The following PALM2AKAP2 variants were observed in gnomAD, a reference collection of about 807,000 sequenced individuals.
PALM2AKAP2 encodes the protein PALM2 and AKAP2 fusion.
A neutral mutation model predicts 71.5 loss-of-function variants in PALM2AKAP2; 37 were observed. The observed-to-expected ratio is 0.52, with a 90% confidence interval of 0.40 to 0.68. PALM2AKAP2 has a LOEUF of 0.68. Ranked by LOEUF, PALM2AKAP2 falls within the 30% of genes least tolerant of loss-of-function variation. The pLI, the probability that PALM2AKAP2 is intolerant of heterozygous loss-of-function variation, is 0.00. For synonymous variants in PALM2AKAP2, 468 were observed against 478.8 expected, an observed-to-expected ratio of 0.98 and a Z score of 0.29; for missense variants, 1,224 against 1,191.8, an observed-to-expected ratio of 1.03 and a Z score of -0.40.
At chr9:110,053,014 A>G (rs1833742392) in intron 1 of PALM2AKAP2, among the ~76,000 whole-genome samples, 2 of 152,246 alleles carry the variant, frequency 1.3e-5, no homozygotes, top group Non-Finnish European at 2.9e-5. Context: ...ACAATAAAAC[A>G]GAATATACTT....
At chr9:109,672,627 G>C (rs62581694) in intron 1 of PALM2AKAP2, among the ~76,000 whole-genome samples, 21,308 of 152,002 alleles carry the variant, frequency 0.14, 1,795 homozygotes, top group Middle Eastern at 0.29. Flanking sequence ...CATAGAAAGA[G>C]TTAGGGAGAA....
rs1043301994 is a variant in PALM2AKAP2 at position 109,925,054 on chromosome 9, C to T, written c.373-7C>T. On this transcript the variant is annotated splice_polypyrimidine_tract_variant and splice_region_variant and intron_variant, in intron 4 of 9. Coordinates refer to the PALM2AKAP2 transcript ENST00000302798. ...AGTAACGCTCTGCCTTGTTTTTGTT[C>T]CTACAGGGTTTCTCCAGTACGGATG... 8 of 1,613,974 alleles carry T rather than the reference C, an allele frequency of 5.0e-6. No individual in the cohort carries two copies. Among genetic ancestry groups the T allele is most frequent in the Non-Finnish European group, 6.8e-6 (8 of 1,180,012 alleles).
chr9:109,913,476 G>A (rs928362658), intron 3 of PALM2AKAP2, among the ~76,000 whole-genome samples: 1 of 152,186 alleles, frequency 6.6e-6, no homozygotes, highest in African/African-American at 2.4e-5. Context: ...GGGAGTAGAA[G>A]GGGGGCAAAG....
chr9:109,650,021 C>A (rs1033769335), intron 1 of PALM2AKAP2, among the ~76,000 whole-genome samples: 3 of 152,266 alleles, frequency 2.0e-5, no homozygotes, highest in Non-Finnish European at 2.9e-5. Context: ...TTGCTCTTTT[C>A]CTTCTATTTT....
intron 1 of PALM2AKAP2, among the ~76,000 whole-genome samples, chr9:110,108,962 A>G (rs1835177108): frequency 6.6e-6 from 1 of 152,122 alleles, no homozygotes; most frequent in Non-Finnish European, 1.5e-5. Flanking sequence ...ACTTTTCAAT[A>G]CTATTGAATA....
At chr9:109,786,714 G>A (rs1462843774) in intron 1 of PALM2AKAP2, among the ~76,000 whole-genome samples, 3 of 152,058 alleles carry the variant, frequency 2.0e-5, no homozygotes, top group East Asian at 3.9e-4. Context: ...GTACCTCTGA[G>A]TATTTCAGTC....
At chr9:110,136,713 C>T (rs912577574) in exon 2 of PALM2AKAP2, 3 of 1,614,192 alleles carry the variant, frequency 1.9e-6, no homozygotes, top group Non-Finnish European at 2.5e-6. Flanking sequence ...ACAACCAGCT[C>T]ACGGTGTTCT....
At chr9:110,006,324 C>CTCTTTCTT (rs201648047) in intron 6 of PALM2AKAP2, among the ~76,000 whole-genome samples, 27,441 of 101,892 alleles carry the variant, frequency 0.27, 4,224 homozygotes, top group Non-Finnish European at 0.29. Flanking sequence ...TTCCTTCCTT[C>CTCTTTCTT]TCTTTCTTTC....
intron 6 of PALM2AKAP2, among the ~76,000 whole-genome samples, chr9:109,991,510 A>G (rs564010323): frequency 9.9e-5 from 15 of 152,100 alleles, no homozygotes; most frequent in Non-Finnish European, 1.9e-4. Context: ...AGGTGTAAGG[A>G]TTACAGGCGT....
intron 3 of PALM2AKAP2, among the ~76,000 whole-genome samples, chr9:109,905,566 C>T (rs1587998400): frequency 6.6e-6 from 1 of 152,374 alleles, no homozygotes; most frequent in African/African-American, 2.4e-5. Flanking sequence ...CAGGATGCAG[C>T]GTTAGATGCT....
At chr9:109,997,652 C>T (rs1445023454) in intron 6 of PALM2AKAP2, among the ~76,000 whole-genome samples, 2 of 152,228 alleles carry the variant, frequency 1.3e-5, no homozygotes, top group Non-Finnish European at 1.5e-5. Flanking sequence ...GATGGACCTT[C>T]CTGTTTCTCA....
At chr9:110,040,684 G>T (rs1050815254) in intron 7 of PALM2AKAP2, among the ~76,000 whole-genome samples, 1 of 152,044 alleles carries the variant, frequency 6.6e-6, no homozygotes, top group Admixed American at 6.5e-5. Flanking sequence ...CAAAAACTAA[G>T]AAATAATTTC....
At chr9:109,837,983 A>G in intron 1 of PALM2AKAP2, among the ~76,000 whole-genome samples, 1 of 152,210 alleles carries the variant, frequency 6.6e-6, no homozygotes, top group Non-Finnish European at 1.5e-5. Flanking sequence ...ACAGAAAGTT[A>G]GCAAGGATAT....
At chr9:110,005,088 G>A (rs10759386) in intron 6 of PALM2AKAP2, among the ~76,000 whole-genome samples, 45,825 of 152,070 alleles carry the variant, frequency 0.3, 8,510 homozygotes, top group Non-Finnish European at 0.43. Context: ...TTCCTTTGGG[G>A]GAGGAGAGGT....
intron 1 of PALM2AKAP2, among the ~76,000 whole-genome samples, chr9:109,667,776 G>A (rs942531649): frequency 5.3e-5 from 8 of 152,178 alleles, no homozygotes; most frequent in African/African-American, 1.9e-4. Context: ...CTGGGCATTG[G>A]AGTGAGACCC....
intron 3 of PALM2AKAP2, among the ~76,000 whole-genome samples, chr9:109,913,506 A>G (rs1288382819): frequency 6.6e-6 from 1 of 152,120 alleles, no homozygotes; most frequent in Non-Finnish European, 1.5e-5. Context: ...AGCCAACCCC[A>G]TTTACAGGCG....
chr9:110,138,648 TG>T (rs1835956968), intron 2 of PALM2AKAP2, 109 bp downstream of exon 8: 2 of 1,438,160 alleles, frequency 1.4e-6, no homozygotes, highest in Non-Finnish European at 1.8e-6. Flanking sequence ...CTGGAATAAG[TG>T]TTGGGGGGAC....
chr9:109,693,988 T>C (rs535876294), intron 1 of PALM2AKAP2, among the ~76,000 whole-genome samples: 1 of 152,178 alleles, frequency 6.6e-6, no homozygotes, highest in East Asian at 1.9e-4. Flanking sequence ...GATATGATAT[T>C]ATAGATTTAT....
At chr9:110,041,572 C>G (rs775275206) in intron 7 of PALM2AKAP2, among the ~76,000 whole-genome samples, 1 of 151,914 alleles carries the variant, frequency 6.6e-6, no homozygotes, top group African/African-American at 2.4e-5. Context: ...AGGCCAAGTG[C>G]GAGGATGCAG....
Sources: allele counts gnomAD v4.1 joint callset (sites outside exome capture counted in the v4.1 genomes callset), GRCh38; gene constraint gnomAD v4.1.1; transcripts MANE v1.5; gene names NCBI Gene and HGNC (gene_info 2026-07-23, HGNC 2026-07-21).